Variants in VPS41 observed in about 807,000 individuals in gnomAD.
VPS41 encodes the protein vacuolar protein sorting-associated protein 41 homolog.
In VPS41, 85 loss-of-function variants were observed where a neutral mutation model predicts 130.9. The ratio of observed to expected loss-of-function variants is 0.65; its 90% CI spans 0.55 to 0.78. VPS41 has a LOEUF of 0.78. VPS41 is among the 30% of genes least tolerant of loss of function. The probability of loss-of-function intolerance (pLI) is 0.00; values close to 1 mark genes in which losing one functional copy is unlikely to be tolerated. For missense variants in VPS41, 874 were observed against 1,018.7 expected (o/e 0.86, Z 1.93); for synonymous variants, 335 against 332.9 (o/e 1.01, Z -0.07).
intron 25 of VPS41, among the ~76,000 whole-genome samples, chr7:38,733,703 C>T (rs1297111569): frequency 6.6e-6 from 1 of 151,966 alleles, no homozygotes; most frequent in Non-Finnish European, 1.5e-5. Flanking sequence ...TTTGAAACAT[C>T]TCTATGAAAT....
chr7:38,758,041 C>G (rs1171691496), intron 18 of VPS41, among the ~76,000 whole-genome samples: 1 of 152,142 alleles, frequency 6.6e-6, no homozygotes, highest in Admixed American at 6.5e-5. Flanking sequence ...AATCCAGAGC[C>G]TTGCTCATTG....
intron 25 of VPS41, among the ~76,000 whole-genome samples, chr7:38,739,038 C>T (rs1795828532): frequency 6.6e-6 from 1 of 152,184 alleles, no homozygotes; most frequent in Admixed American, 6.5e-5. Flanking sequence ...TTCCAATTAA[C>T]AACTGGCTAA....
At chr7:38,840,646 A>G (rs1437916796) in intron 4 of VPS41, among the ~76,000 whole-genome samples, 1 of 152,284 alleles carries the variant, frequency 6.6e-6, no homozygotes, top group East Asian at 1.9e-4. Context: ...AATGATTACT[A>G]AACATATAAT....
intron 9 of VPS41, among the ~76,000 whole-genome samples, chr7:38,791,421 G>A (rs1364430236): frequency 1.3e-5 from 2 of 152,204 alleles, no homozygotes; most frequent in African/African-American, 4.8e-5. Flanking sequence ...GTTACTGGCA[G>A]TGCTCCTGAG....
intron 22 of VPS41, among the ~76,000 whole-genome samples, chr7:38,747,435 T>C (rs994072248): frequency 1.3e-5 from 2 of 152,250 alleles, no homozygotes; most frequent in Admixed American, 1.3e-4. Context: ...AAAGATAGTC[T>C]GACTAATGAT....
intron 4 of VPS41, among the ~76,000 whole-genome samples, chr7:38,837,485 C>CTGTA (rs775267809): frequency 3.3e-5 from 5 of 152,214 alleles, no homozygotes; most frequent in Non-Finnish European, 5.9e-5. Flanking sequence ...CCATCCCATG[C>CTGTA]TGTAGCCTGT....
At chr7:38,778,884 T>A (rs1370730672) in intron 10 of VPS41, among the ~76,000 whole-genome samples, 1 of 152,170 alleles carries the variant, frequency 6.6e-6, no homozygotes, top group African/African-American at 2.4e-5. Context: ...CCTTGGTTCT[T>A]GAGAATGAGC....
At chr7:38,909,034 G>C in intron 1 of VPS41, 120 bp downstream of exon 1, 5 of 1,021,202 alleles carry the variant, frequency 4.9e-6, no homozygotes, top group African/African-American at 1.6e-5. Context: ...GCCCTGCCGC[G>C]GACCTGCCTT....
rs761124542 is a variant in VPS41 at position 38,869,220 on chromosome 7, A to C, written c.94T>G (p.Tyr32Asp). 2.5e-6 allele frequency: 4 copies of C among 1,612,600 alleles called. No homozygotes were observed. The highest frequency in any genetic ancestry group is 2.5e-6 in the Non-Finnish European group (3 of 1,179,038). Residue 32 changes from tyrosine to aspartate, a missense_variant, in exon 3 of 29, where the codon TAT (tyrosine) becomes GAT (aspartate). By Grantham distance (160) the Tyr-to-Asp change is radical. Coordinates refer to ENST00000310301, the MANE Select transcript of VPS41 (RefSeq NM_014396.4). ...GTTACCCCATTGGAAAGCCTTTCATACTTCAGCTTGGGTTCCTCTTCGCTC... is the reference window on the plus strand; with the variant it reads ...GTTACCCCATTGGAAAGCCTTTCATCCTTCAGCTTGGGTTCCTCTTCGCTC... The part of the protein sequence containing the change: ...EESEEEPKLK[Y>D]ERLSNGVTEI...
intron 22 of VPS41, among the ~76,000 whole-genome samples, chr7:38,747,767 T>A (rs1287807071): frequency 6.6e-6 from 1 of 152,240 alleles, no homozygotes; most frequent in African/African-American, 2.4e-5. Context: ...TACTCAATTG[T>A]GACATGTGGT....
rs75108143 is a variant in VPS41, at chr7:38,771,295, G to C, written c.1129-41C>G. ...AAGGATGATTTAAAAAAAAAAAAAA[G>C]CAGAAAAGGAGGGAGGGAAAATGGG... On this transcript the variant is annotated intron_variant, in intron 13 of 28. Transcript: ENST00000310301. 26 of 1,037,864 alleles carry C rather than the reference G, an allele frequency of 2.5e-5. No individual in the cohort carries two copies. In the East Asian group the frequency reaches 6.7e-4, roughly 27 times the overall value. The allele number at this position is 1,037,864 out of a possible 1,614,324, so 64.3% of individuals were successfully genotyped here.
intron 27 of VPS41, 168 bp downstream of exon 27, chr7:38,728,374 G>T: frequency 1.3e-6 from 1 of 794,342 alleles, no homozygotes; most frequent in Non-Finnish European, 2.2e-6. Context: ...CTAAGCAATG[G>T]CAGCACCAGC....
intron 1 of VPS41, among the ~76,000 whole-genome samples, chr7:38,899,047 A>G (rs1206568557): frequency 4.6e-5 from 7 of 152,216 alleles, no homozygotes; most frequent in Admixed American, 3.9e-4. Flanking sequence ...TATATTACTC[A>G]ATACAAGTTG....
At chr7:38,779,311 A>C (rs1156955608) in intron 10 of VPS41, among the ~76,000 whole-genome samples, 1 of 152,216 alleles carries the variant, frequency 6.6e-6, no homozygotes, top group Non-Finnish European at 1.5e-5. Flanking sequence ...ATTTGGATAA[A>C]ACTGAAACTA....
At chr7:38,767,455 T>C in intron 15 of VPS41, 82 bp downstream of exon 15, 1 of 869,990 alleles carries the variant, frequency 1.1e-6, no homozygotes, top group Non-Finnish European at 1.7e-6. Flanking sequence ...AAATGTCAAC[T>C]GCAAAGAATG....
intron 5 of VPS41, among the ~76,000 whole-genome samples, chr7:38,824,751 T>G (rs1331011888): frequency 6.6e-6 from 1 of 152,220 alleles, no homozygotes; most frequent in Admixed American, 6.5e-5. Flanking sequence ...AAATTGAAAT[T>G]AAATGAAGCT....
intron 10 of VPS41, among the ~76,000 whole-genome samples, chr7:38,779,399 A>G (rs1005365389): frequency 3.9e-5 from 6 of 152,258 alleles, no homozygotes; most frequent in African/African-American, 1.4e-4. Context: ...TTGCAATTAT[A>G]GTAATACTCA....
rs536721622 is a variant in VPS41 at position 38,838,610 on chromosome 7, G to A, written c.247-8282C>T. 3.9e-4 allele frequency among the ~76,000 whole-genome samples: 60 copies of A among 152,252 alleles called. 1 individual carries two copies. The South Asian group carries it at 0.011, about 28-fold the overall frequency. ...CTGACACTATAGAACATACAAAAAT[G>A]TTTCCTTAATGGAATAAAAAAAGAA... On this transcript the variant is annotated intron_variant, in intron 4 of 28. Coordinates refer to ENST00000310301, the MANE Select transcript of VPS41 (RefSeq NM_014396.4).
chr7:38,775,826 TAA>T (rs112990085), intron 11 of VPS41, among the ~76,000 whole-genome samples: 26 of 143,900 alleles, frequency 1.8e-4, no homozygotes, highest in African/African-American at 1.3e-4. Flanking sequence ...TCTTGCCATT[TAA>T]AAAAAAAAAA....
Sources: allele counts gnomAD v4.1 joint callset (sites outside exome capture counted in the v4.1 genomes callset), GRCh38; gene constraint gnomAD v4.1.1; transcripts MANE v1.5; gene names NCBI Gene and HGNC (gene_info 2026-07-23, HGNC 2026-07-21).